The following ERBB4 variants were observed in gnomAD, a reference collection of about 807,000 sequenced individuals.
ERBB4 encodes receptor tyrosine-protein kinase erbB-4.
ERBB4 carries 42 observed loss-of-function variants against 158.0 expected under a neutral mutation model. The ratio of observed to expected loss-of-function variants is 0.27; its 90% CI spans 0.21 to 0.34. The LOEUF is 0.34. Ranked by LOEUF, ERBB4 falls within the 10% of genes least tolerant of loss-of-function variation. ERBB4 has a pLI of 1.00. For missense variants in ERBB4, 1,333 were observed against 1,624.1 expected, an observed-to-expected ratio of 0.82 and a Z score of 3.08; for synonymous variants, 583 against 558.7, an observed-to-expected ratio of 1.04 and a Z score of -0.61.
intron 2 of ERBB4, among the ~76,000 whole-genome samples, chr2:212,024,570 A>G (rs2125334785): frequency 6.6e-6 from 1 of 152,052 alleles, no homozygotes; most frequent in Non-Finnish European, 1.5e-5. Context: ...TCATTTTGAC[A>G]TTCAAAAGGA....
chr2:211,471,498 C>A (rs1362169748), intron 20 of ERBB4, among the ~76,000 whole-genome samples: 1 of 151,896 alleles, frequency 6.6e-6, no homozygotes, highest in African/African-American at 2.4e-5. Flanking sequence ...GCTGATAAAG[C>A]AGCGCCAAAA....
intron 15 of ERBB4, among the ~76,000 whole-genome samples, chr2:211,664,493 C>T (rs184393944): frequency 2.0e-5 from 3 of 152,142 alleles, no homozygotes; most frequent in Admixed American, 1.3e-4. Flanking sequence ...ATTCACCTTC[C>T]GGAGGAATGA....
In ERBB4 at chr2:212,456,087, T is replaced by C. The variant is rs572205977; in HGVS notation, c.82+82362A>G. 2.6e-5 allele frequency among the ~76,000 whole-genome samples: 4 copies of C among 152,122 alleles called. No individual in the cohort carries two copies. In the South Asian group the frequency reaches 6.2e-4, roughly 24 times the overall value. On this transcript the variant is annotated intron_variant, in intron 1 of 27. Transcript: ENST00000342788. ...CATAAATATTTTTATCTTAAGGAAA[T>C]AATGGTTTACCAAGTAAACTGTAGT...
chr2:212,184,436 G>A (rs1016913677), intron 1 of ERBB4, among the ~76,000 whole-genome samples: 2 of 152,006 alleles, frequency 1.3e-5, no homozygotes, highest in African/African-American at 4.8e-5. Context: ...TTGTTTTAGG[G>A]TCATTTAATT....
intron 4 of ERBB4, among the ~76,000 whole-genome samples, chr2:211,776,048 G>T (rs1467184715): frequency 6.6e-6 from 1 of 152,144 alleles, no homozygotes; most frequent in Non-Finnish European, 1.5e-5. Context: ...TTAAGCTGTT[G>T]CTTGTAGTAG....
intron 1 of ERBB4, among the ~76,000 whole-genome samples, chr2:212,475,193 GACAGGCAACCTGTGCAGTCAC>G (rs1295353637): frequency 2.0e-5 from 3 of 152,056 alleles, no homozygotes; most frequent in African/African-American, 7.2e-5. Context: ...CAGCTTTATA[GACAGGCAACCTGTGCAGTCAC>G]ACAGAGTCCC....
intron 1 of ERBB4, among the ~76,000 whole-genome samples, chr2:212,385,579 G>A (rs1242270584): frequency 3.3e-5 from 5 of 151,830 alleles, no homozygotes; most frequent in Admixed American, 2.6e-4. Context: ...TTATGCTCCT[G>A]AAATAATTTT....
At chr2:212,059,714 G>T (rs578166539) in intron 2 of ERBB4, among the ~76,000 whole-genome samples, 3 of 152,168 alleles carry the variant, frequency 2.0e-5, no homozygotes, top group Non-Finnish European at 4.4e-5. Flanking sequence ...TTTAATAAAT[G>T]GTCCTGGGAA....
chr2:212,293,917 T>C (rs534783590), intron 1 of ERBB4, among the ~76,000 whole-genome samples: 2 of 148,990 alleles, frequency 1.3e-5, no homozygotes, highest in Admixed American at 1.3e-4. Context: ...GATGATGATA[T>C]GTGTGTGTAG....
chr2:211,926,391 A>G (rs764541760), intron 3 of ERBB4, among the ~76,000 whole-genome samples: 8 of 152,246 alleles, frequency 5.3e-5, no homozygotes, highest in Non-Finnish European at 1.2e-4. Context: ...GTACTTTTAC[A>G]TATACTTCCA....
intron 2 of ERBB4, among the ~76,000 whole-genome samples, chr2:212,029,608 C>T (rs547468366): frequency 2.0e-4 from 31 of 152,252 alleles, no homozygotes; most frequent in African/African-American, 7.2e-4. Flanking sequence ...ATATTCATGA[C>T]ATCGTGCTTT....
intron 2 of ERBB4, among the ~76,000 whole-genome samples, chr2:212,004,471 T>G (rs2076213852): frequency 1.3e-5 from 2 of 152,202 alleles, no homozygotes; most frequent in Admixed American, 1.3e-4. Flanking sequence ...CATAAAATCT[T>G]CTCATCTCTG....
At chr2:211,909,650 G>A (rs934431265) in intron 3 of ERBB4, among the ~76,000 whole-genome samples, 33 of 151,706 alleles carry the variant, frequency 2.2e-4, no homozygotes, top group African/African-American at 7.5e-4. Context: ...TACCACGAAT[G>A]GAGTTTGCAG....
At chr2:211,707,346 T>C (rs1228295081) in intron 9 of ERBB4, among the ~76,000 whole-genome samples, 1 of 152,116 alleles carries the variant, frequency 6.6e-6, no homozygotes, top group Admixed American at 6.6e-5. Context: ...TCGAAATACA[T>C]AGTACTTTAA....
At chr2:211,938,679 A>AAAT (rs926047859) in intron 3 of ERBB4, among the ~76,000 whole-genome samples, 2 of 152,050 alleles carry the variant, frequency 1.3e-5, no homozygotes, top group Non-Finnish European at 2.9e-5. Context: ...TTGACTATAA[A>AAAT]AATAATAATA....
chr2:212,141,985 C>T (rs2080493766), intron 1 of ERBB4, among the ~76,000 whole-genome samples: 1 of 152,134 alleles, frequency 6.6e-6, no homozygotes, highest in South Asian at 2.1e-4. Context: ...CTACAAGGCA[C>T]TTAGACCATC....
chr2:211,569,498 G>A (rs988117395), intron 19 of ERBB4, among the ~76,000 whole-genome samples: 4 of 152,160 alleles, frequency 2.6e-5, no homozygotes, highest in African/African-American at 7.2e-5. Context: ...TAAAACAGAT[G>A]CATAAGTATT....
At chr2:212,282,886 C>T (rs752246503) in intron 1 of ERBB4, among the ~76,000 whole-genome samples, 2 of 151,894 alleles carry the variant, frequency 1.3e-5, no homozygotes, top group South Asian at 4.1e-4. Flanking sequence ...TTGACCCAAT[C>T]CAGTTTCTCT....
chr2:212,521,654 A>T (rs1408517984), intron 1 of ERBB4, among the ~76,000 whole-genome samples: 1 of 78,426 alleles, frequency 1.3e-5, no homozygotes, highest in African/African-American at 5.0e-5. Context: ...TTTTATATGC[A>T]TTTACATGCA....
Sources: gnomAD v4.1 joint callset for allele counts (sites outside exome capture counted in the v4.1 genomes callset) on GRCh38, gnomAD v4.1.1 for gene constraint, MANE v1.5 for transcripts, NCBI Gene and HGNC (gene_info 2026-07-23, HGNC 2026-07-21) for gene names.